The following NEURL3 variants were observed in gnomAD, a reference collection of about 807,000 sequenced individuals.
The protein encoded by NEURL3 is E3 ubiquitin-protein ligase NEURL3.
Under a neutral mutation model 17.6 loss-of-function variants are expected in NEURL3, and 19 were observed. That is an observed-to-expected ratio of 1.08 (90% CI 0.75 to 1.58). The LOEUF is 1.58. Ranked by LOEUF, NEURL3 falls within the 40% of genes most tolerant of loss-of-function variation. The pLI is 0.00. For missense variants in NEURL3, 342 were observed against 379.6 expected (o/e 0.90, Z 0.82); for synonymous variants, 180 against 161.4 (o/e 1.11, Z -0.87).
At chr2:96,507,017 C>A, upstream of NEURL3, among the ~76,000 whole-genome samples, 1 of 152,180 alleles carries the variant, frequency 6.6e-6, no homozygotes, top group East Asian at 1.9e-4. Context: ...TCAGGACATG[C>A]CACCCCAAAA....
intron 1 of NEURL3, 29 bp from the exon 2 acceptor site, chr2:96,500,953 G>A (rs1262309953): frequency 2.0e-6 from 3 of 1,528,298 alleles, no homozygotes; most frequent in East Asian, 2.4e-5. Flanking sequence ...GAGTGTCAGT[G>A]CTAACCGGGT....
chr2:96,507,271 A>C (rs1163822305), upstream of NEURL3, among the ~76,000 whole-genome samples: 1 of 152,090 alleles, frequency 6.6e-6, no homozygotes, highest in African/African-American at 2.4e-5. Context: ...ATAAAAATAC[A>C]TGTCCCCATT....
Position 96,500,792 on chromosome 2 carries a change from G to A in NEURL3, c.161C>T (p.Pro54Leu). Residue 54 changes from proline to leucine, a missense_variant, in exon 2 of 4, where the codon CCG becomes CTG. By Grantham distance (98) the Pro-to-Leu change is moderately conservative. Transcript: ENST00000451794. ...CGCCACACGCTCGCCCAGGCGCACC[G>A]GCCGCTGGCTGAACACGATGCCGTC... ...FHDGIVFSQR[P>L]VRLGERVALR... 1 of 1,526,188 alleles carries A rather than the reference G, an allele frequency of 6.6e-7. No homozygotes were observed. Among genetic ancestry groups the A allele is most frequent in the East Asian group, 2.5e-5 (1 of 40,346 alleles). 94.5% of individuals were successfully genotyped at this position (1,526,188 alleles called of 1,614,324 possible).
Position 96,500,936 on chromosome 2 carries a change from G to A in NEURL3, c.29-12C>T, listed in dbSNP as rs755226473. On this transcript the variant is annotated splice_polypyrimidine_tract_variant and intron_variant, in intron 1 of 3. Coordinates refer to ENST00000451794, the MANE Select transcript of NEURL3 (RefSeq NM_001285485.2). ...GGGCGCCTTGGCGTCTGTGGGTTGAGGATGGGGAGTGTCAGTGCTAACCGG... is the reference window on the plus strand; with the variant it reads ...GGGCGCCTTGGCGTCTGTGGGTTGAAGATGGGGAGTGTCAGTGCTAACCGG... The A allele has an allele frequency of 5.8e-6, 9 of 1,547,926 alleles. No homozygotes were observed. The East Asian group carries it at 1.9e-4, about 32-fold the overall frequency.
chr2:96,499,267 C>A, intron 3 of NEURL3, 111 bp downstream of exon 3: 2 of 1,493,864 alleles, frequency 1.3e-6, no homozygotes, highest in Non-Finnish European at 1.8e-6. Context: ...AATCTTTTGG[C>A]CCAAAGCCTG....
In NEURL3 at chr2:96,505,327, G is replaced by A. The variant is rs981589472; in HGVS notation, c.-41C>T. On this transcript the variant is annotated 5_prime_UTR_variant, in exon 1 of 4. Transcript: ENST00000451794. ...GGGCACAGGTCCCCAGGTCTAGAAG[G>A]AACTGCCTGGAGAAGGCCAGTGGAC... 1.4e-5 allele frequency: 22 copies of A among 1,597,786 alleles called. No homozygotes were observed. In the African/African-American group the frequency reaches 1.9e-4, roughly 14 times the overall value.
Position 96,502,254 on chromosome 2 carries a change from C to G in NEURL3, c.29-1330G>C, listed in dbSNP as rs558336510. ...AATCCCAGCAGGCCTGCCCAGCTCCCTGTGCCTCAAGGCTGCACCTAGGCA... is the reference window on the plus strand; with the variant it reads ...AATCCCAGCAGGCCTGCCCAGCTCCGTGTGCCTCAAGGCTGCACCTAGGCA... On this transcript the variant is annotated intron_variant, in intron 1 of 3. Transcript: ENST00000451794. Among the ~76,000 whole-genome samples, 5 of 152,330 alleles carry G rather than the reference C, an allele frequency of 3.3e-5. 1 individual carries two copies. The East Asian group carries it at 9.6e-4, about 29-fold the overall frequency.
At chr2:96,505,400 C>T (rs185542479), upstream of NEURL3, 295 of 995,114 alleles carry the variant, frequency 3.0e-4, 2 homozygotes, top group East Asian at 6.8e-3. Context: ...CCAGAGATCA[C>T]GTTACAAAGT....
At chr2:96,501,039 T>G (rs935413364) in intron 1 of NEURL3, 115 bp from the exon 2 acceptor site, 2 of 1,273,434 alleles carry the variant, frequency 1.6e-6, no homozygotes, top group Admixed American at 3.4e-5. Context: ...GACCTTCCCC[T>G]AGGGACCATT....
chr2:96,498,063 T>C lies in NEURL3; in HGVS notation c.*181A>G, dbSNP rs2065460658. 1.6e-6 allele frequency: 1 copy of C among 618,436 alleles called. No homozygotes were observed. The highest frequency in any genetic ancestry group is 2.0e-5 in the South Asian group (1 of 48,872). 38.3% of individuals were successfully genotyped at this position (618,436 alleles called of 1,614,324 possible). On this transcript the variant is annotated 3_prime_UTR_variant, in exon 4 of 4. Coordinates refer to ENST00000451794, the MANE Select transcript of NEURL3 (RefSeq NM_001285485.2). This position sits in a 1 kb window ranked among gnomAD's most constrained non-coding sequence, Gnocchi z 4.4. ...AGAGGGGTTTTTCCTTGCTATCCTG[T>C]TGGGGAACAGGTGGAGGCAGCAGAC...
Position 96,498,506 on chromosome 2 carries a change from C to T in NEURL3, c.587-60G>A. Reference sequence around the variant, plus strand: ...GGGGAAGGGGTGGGCAACCCGCTCACAATGTGACCACAGAGAATGACAGAG... The same window carrying T: ...GGGGAAGGGGTGGGCAACCCGCTCATAATGTGACCACAGAGAATGACAGAG... On this transcript the variant is annotated intron_variant, in intron 3 of 3. Coordinates refer to ENST00000451794, the MANE Select transcript of NEURL3 (RefSeq NM_001285485.2). The surrounding 1 kb of genome is among the most constrained non-coding windows in gnomAD (Gnocchi z 4.4). 2.1e-6 allele frequency: 3 copies of T among 1,396,038 alleles called. No individual in the cohort carries two copies. The highest frequency in any genetic ancestry group is 2.9e-5 in the African/African-American group (2 of 70,000). 86.5% of individuals were successfully genotyped at this position (1,396,038 alleles called of 1,614,324 possible).
Position 96,500,691 on chromosome 2 carries a change from C to A in NEURL3, c.262G>T (p.Val88Leu). ...VGFTRLDPAC[V>L]SVPSLPPFLC... ...AAGGGCGGCAGGCTGGGCACGGACA[C>A]GCACGCGGGGTCCAGGCGCGTGAAG... Residue 88 changes from valine (V) to leucine (L), a missense_variant, in exon 2 of 4, where the codon GTG (valine) becomes TTG (leucine). By Grantham distance (32) the Val-to-Leu change is conservative. Coordinates refer to ENST00000451794, the MANE Select transcript of NEURL3 (RefSeq NM_001285485.2). 1.3e-6 allele frequency: 2 copies of A among 1,518,210 alleles called. No individual in the cohort carries two copies. The highest frequency in any genetic ancestry group is 2.8e-5 in the African/African-American group (2 of 71,584). 94.0% of individuals were successfully genotyped at this position (1,518,210 alleles called of 1,614,324 possible). A position where few individuals can be genotyped will look rare whatever the true frequency, so the allele number is the denominator to read the frequency against.
At chr2:96,503,757 G>A (rs955878067) in intron 1 of NEURL3, among the ~76,000 whole-genome samples, 1 of 152,200 alleles carries the variant, frequency 6.6e-6, no homozygotes, top group African/African-American at 2.4e-5. Flanking sequence ...GCCTGCAGGG[G>A]TCCTCCCACA....
Position 96,500,686 on chromosome 2 carries a change from G to C in NEURL3, c.267C>G (p.Ser89=), listed in dbSNP as rs982396956. Residue 89 remains serine, a synonymous_variant, in exon 2 of 4, where the codon TCC becomes TCG. Transcript: ENST00000451794. Reference sequence around the variant, plus strand: ...ACAGGAAGGGCGGCAGGCTGGGCACGGACACGCACGCGGGGTCCAGGCGCG... The same window carrying C: ...ACAGGAAGGGCGGCAGGCTGGGCACCGACACGCACGCGGGGTCCAGGCGCG... ...GFTRLDPACV[S]VPSLPPFLCP... The C allele has an allele frequency of 6.6e-7, 1 of 1,518,074 alleles. No homozygotes were observed. The highest frequency in any genetic ancestry group is 8.8e-7 in the Non-Finnish European group (1 of 1,140,178). 94.0% of individuals were successfully genotyped at this position (1,518,074 alleles called of 1,614,324 possible). A position where few individuals can be genotyped will look rare whatever the true frequency, so the allele number is the denominator to read the frequency against.
At chr2:96,501,999 G>A (rs778242268) in intron 1 of NEURL3, among the ~76,000 whole-genome samples, 8 of 152,188 alleles carry the variant, frequency 5.3e-5, no homozygotes, top group Non-Finnish European at 5.9e-5. Flanking sequence ...GCAGAGCCCA[G>A]GGCCAGGAGG....
At chr2:96,506,843 C>T (rs2065564633), upstream of NEURL3, among the ~76,000 whole-genome samples, 1 of 152,230 alleles carries the variant, frequency 6.6e-6, no homozygotes, top group Non-Finnish European at 1.5e-5. Context: ...AGCCAGCAGG[C>T]TGGGGTGGTA....
At chr2:96,503,495 A>G (rs2065530493) in intron 1 of NEURL3, among the ~76,000 whole-genome samples, 1 of 152,278 alleles carries the variant, frequency 6.6e-6, no homozygotes, top group Admixed American at 6.5e-5. Context: ...CAGGGCAGCA[A>G]AAGGTCCCTT....
At position 96,500,693 on chromosome 2, in the gene NEURL3, C is replaced by T; in HGVS notation, c.260G>A (p.Cys87Tyr). 6.6e-7 allele frequency: 1 copy of T among 1,518,200 alleles called. No homozygotes were observed. The highest frequency in any genetic ancestry group is 8.8e-7 in the Non-Finnish European group (1 of 1,140,292). The allele number at this position is 1,518,200 out of a possible 1,614,324, so 94.0% of individuals were successfully genotyped here. A position where few individuals can be genotyped will look rare whatever the true frequency, so the allele number is the denominator to read the frequency against. Reference protein sequence around the residue: ...RVGFTRLDPACVSVPSLPPFL... With the variant: ...RVGFTRLDPAYVSVPSLPPFL... ...GGGCGGCAGGCTGGGCACGGACACG[C>T]ACGCGGGGTCCAGGCGCGTGAAGCC... Residue 87 changes from cysteine to tyrosine, a missense_variant, in exon 2 of 4, where the codon TGC becomes TAC. Coordinates refer to ENST00000451794, the MANE Select transcript of NEURL3 (RefSeq NM_001285485.2).
Position 96,498,354 on chromosome 2 carries a change from C to G in NEURL3, c.679G>C (p.Ala227Pro). The change falls in exon 4 of 4, where the codon GCC becomes CCC. Residue 227 changes from alanine (A) to proline (P), a missense_variant. Physicochemically the swap from Ala to Pro is conservative, Grantham distance 27 (BLOSUM62 -1). Coordinates refer to ENST00000451794, the MANE Select transcript of NEURL3 (RefSeq NM_001285485.2). The surrounding 1 kb of genome is among the most constrained non-coding windows in gnomAD (Gnocchi z 4.4). ...GCCGTATCGCTGAAGACCCGCCAGG[C>G]ACAGTATCTGCAGAAGTATGTGTGG... ...CGHTYFCRYCAWRVFSDTAKC... is the reference protein window; with the variant it reads ...CGHTYFCRYCPWRVFSDTAKC... 1.3e-6 allele frequency: 2 copies of G among 1,599,392 alleles called. No individual in the cohort carries two copies. Among genetic ancestry groups the G allele is most frequent in the Non-Finnish European group, 1.7e-6 (2 of 1,179,752 alleles).
Sources: allele counts gnomAD v4.1 joint callset (sites outside exome capture counted in the v4.1 genomes callset), GRCh38; gene constraint gnomAD v4.1.1; non-coding constraint Gnocchi (gnomAD v3.1); transcripts MANE v1.5; gene names NCBI Gene and HGNC (gene_info 2026-07-23, HGNC 2026-07-21).